Variants in DACH1 observed in about 807,000 individuals in gnomAD.
The protein encoded by DACH1 is dachshund family transcription factor 1.
A neutral mutation model predicts 54.2 loss-of-function variants in DACH1; 12 were observed. The ratio of observed to expected loss-of-function variants is 0.22; its 90% CI spans 0.14 to 0.36. The LOEUF (loss-of-function observed/expected upper bound fraction) is 0.36, where lower values mean the gene tolerates loss of function less well. Ranked by LOEUF, DACH1 falls within the 10% of genes least tolerant of loss-of-function variation. The pLI is 1.00. For synonymous variants in DACH1, 386 were observed against 366.2 expected (o/e 1.05, Z -0.62); for missense variants, 805 against 929.8 (o/e 0.87, Z 1.75).
chr13:71,641,170 T>A (rs1877869507), intron 2 of DACH1, among the ~76,000 whole-genome samples: 1 of 152,044 alleles, frequency 6.6e-6, no homozygotes, highest in African/African-American at 2.4e-5. Flanking sequence ...AGTCTTCTGA[T>A]ACAGTAAATA....
At chr13:71,781,402 G>A (rs550752121) in intron 1 of DACH1, among the ~76,000 whole-genome samples, 71 of 143,144 alleles carry the variant, frequency 5.0e-4, no homozygotes, top group Non-Finnish European at 9.3e-4. Context: ...TTTTTGAGAC[G>A]GAGTCTAGCT....
chr13:71,493,484 T>A (rs1336868201), intron 6 of DACH1, among the ~76,000 whole-genome samples: 3 of 152,200 alleles, frequency 2.0e-5, no homozygotes, highest in African/African-American at 7.2e-5. Flanking sequence ...GGATCATAAA[T>A]CCTACATAAA....
intron 6 of DACH1, among the ~76,000 whole-genome samples, chr13:71,503,820 CT>C (rs1880108785): frequency 6.6e-6 from 1 of 152,182 alleles, no homozygotes; most frequent in Non-Finnish European, 1.5e-5. Flanking sequence ...CTTTATATCC[CT>C]TTTACCTATT....
intron 1 of DACH1, among the ~76,000 whole-genome samples, chr13:71,768,092 A>G (rs1885712093): frequency 6.6e-6 from 1 of 152,018 alleles, no homozygotes; most frequent in Admixed American, 6.6e-5. Context: ...GTATATTCTC[A>G]TTAAAATCAT....
chr13:71,859,253 A>G (rs914165582), intron 1 of DACH1, among the ~76,000 whole-genome samples: 2 of 151,766 alleles, frequency 1.3e-5, no homozygotes, highest in African/African-American at 2.4e-5. Context: ...TTAATGTCCA[A>G]TTTAGAAAGA....
chr13:71,538,694 C>G (rs962794952), intron 6 of DACH1, among the ~76,000 whole-genome samples: 1 of 152,052 alleles, frequency 6.6e-6, no homozygotes, highest in East Asian at 1.9e-4. Flanking sequence ...GAAATGCAAA[C>G]AGCATAGTAC....
chr13:71,594,238 A>G (rs1467120928), intron 3 of DACH1, among the ~76,000 whole-genome samples: 1 of 151,780 alleles, frequency 6.6e-6, no homozygotes, highest in Non-Finnish European at 1.5e-5. Flanking sequence ...TTAAAAGGAA[A>G]TTGTGTAAAA....
intron 3 of DACH1, among the ~76,000 whole-genome samples, chr13:71,615,335 C>A (rs1384583836): frequency 6.6e-6 from 1 of 152,114 alleles, no homozygotes; most frequent in Non-Finnish European, 1.5e-5. Flanking sequence ...ATGTTAATGA[C>A]CACTGTTCTT....
intron 1 of DACH1, among the ~76,000 whole-genome samples, chr13:71,710,414 T>C (rs1027467156): frequency 6.6e-6 from 1 of 151,304 alleles, no homozygotes; most frequent in Admixed American, 6.6e-5. Flanking sequence ...GAACTAGAAT[T>C]TTATGGGGCC....
chr13:71,543,479 A>G (rs1199515173), intron 6 of DACH1, among the ~76,000 whole-genome samples: 1 of 152,132 alleles, frequency 6.6e-6, no homozygotes, highest in Non-Finnish European at 1.5e-5. Context: ...CTTGATTCGC[A>G]TAATGTTTCT....
At chr13:71,802,181 C>G (rs1887314638) in intron 1 of DACH1, among the ~76,000 whole-genome samples, 1 of 151,934 alleles carries the variant, frequency 6.6e-6, no homozygotes, top group African/African-American at 2.4e-5. Flanking sequence ...CTGATTAAAG[C>G]ATTTTAATCC....
At chr13:71,815,325 G>C (rs568813135) in intron 1 of DACH1, among the ~76,000 whole-genome samples, 7 of 151,226 alleles carry the variant, frequency 4.6e-5, no homozygotes, top group South Asian at 4.3e-4. Context: ...TTAAAAAAGG[G>C]GGTGGGCGGG....
intron 1 of DACH1, among the ~76,000 whole-genome samples, chr13:71,759,369 C>A (rs1198932327): frequency 6.6e-6 from 1 of 151,648 alleles, no homozygotes; most frequent in Non-Finnish European, 1.5e-5. Context: ...GGATTAAGTT[C>A]ATTCCCCCCA....
intron 5 of DACH1, among the ~76,000 whole-genome samples, chr13:71,558,715 C>A (rs1300961022): frequency 6.6e-6 from 1 of 151,798 alleles, no homozygotes; most frequent in Non-Finnish European, 1.5e-5. Context: ...TTCCGGCAGG[C>A]CAAAGCAAGT....
intron 6 of DACH1, among the ~76,000 whole-genome samples, chr13:71,496,547 A>G (rs1398715831): frequency 2.6e-5 from 4 of 151,684 alleles, no homozygotes; most frequent in Admixed American, 2.6e-4. Flanking sequence ...CTGATAGACA[A>G]TTGAGACTCA....
chr13:71,443,076 T>G (rs992675926), intron 10 of DACH1, among the ~76,000 whole-genome samples: 2 of 148,374 alleles, frequency 1.3e-5, no homozygotes, highest in African/African-American at 4.9e-5. Flanking sequence ...TTATTAAATG[T>G]AATTATATAT....
intron 1 of DACH1, among the ~76,000 whole-genome samples, chr13:71,783,667 G>C (rs1468024263): frequency 6.6e-6 from 1 of 152,034 alleles, no homozygotes; most frequent in Non-Finnish European, 1.5e-5. Context: ...ATTATAAGAA[G>C]GAGTCTTAAG....
intron 1 of DACH1, among the ~76,000 whole-genome samples, chr13:71,856,732 G>A (rs1874028106): frequency 6.6e-6 from 1 of 151,800 alleles, no homozygotes; most frequent in Admixed American, 6.6e-5. Context: ...CACTCTTACC[G>A]ATGACGTAAT....
Position 71,738,731 on chromosome 13 carries a change from C to CAAAAAAAA in DACH1, c.849-56829_849-56822dup, listed in dbSNP as rs34856567. 1.3e-3 allele frequency among the ~76,000 whole-genome samples: 32 copies of CAAAAAAAA among 24,068 alleles called. 1 individual carries two copies. Among genetic ancestry groups the CAAAAAAAA allele is most frequent in the Non-Finnish European group, 1.3e-3 (11 of 8,344 alleles). The allele number at this position is 24,068 out of a possible 152,430, so 15.8% of individuals were successfully genotyped here. On this transcript the variant is annotated intron_variant, in intron 1 of 10. Coordinates refer to ENST00000613252, the MANE Select transcript of DACH1 (RefSeq NM_080759.6). ...TGGGCAACAGAGCGAGACTCTGTCT[C>CAAAAAAAA]AAAAAAAAAAAAAAAAAAAAAAAAA...
Sources: allele counts gnomAD v4.1 joint callset (sites outside exome capture counted in the v4.1 genomes callset), GRCh38; gene constraint gnomAD v4.1.1; transcripts MANE v1.5; gene names NCBI Gene and HGNC (gene_info 2026-07-23, HGNC 2026-07-21).